The following EFCAB6 variants were observed in gnomAD, a reference collection of about 807,000 sequenced individuals.
EFCAB6 encodes EF-hand calcium binding domain 6, also known as EF-hand calcium-binding domain-containing protein 6.
EFCAB6 carries 156 observed loss-of-function variants against 169.8 expected under a neutral mutation model. The observed-to-expected ratio is 0.92, with a 90% CI of 0.81 to 1.05. The LOEUF is 1.05. Among genes scored for constraint, EFCAB6 ranks in the 50% least tolerant of loss-of-function variants. The pLI, the probability that EFCAB6 is intolerant of heterozygous loss-of-function variation, is 0.00. For missense variants in EFCAB6, 1,800 were observed against 1,829.1 expected (o/e 0.98, Z 0.29); for synonymous variants, 698 against 676.4 (o/e 1.03, Z -0.50).
At chr22:43,807,735 A>G (rs2062970504) in intron 2 of EFCAB6, among the ~76,000 whole-genome samples, 1 of 152,354 alleles carries the variant, frequency 6.6e-6, no homozygotes, top group South Asian at 2.1e-4. Context: ...GCAACACAAA[A>G]GGTTTTGGCA....
intron 2 of EFCAB6, among the ~76,000 whole-genome samples, chr22:43,782,663 T>C (rs911689930): frequency 6.6e-6 from 1 of 152,174 alleles, no homozygotes; most frequent in African/African-American, 2.4e-5. Context: ...TTTTTTGAAG[T>C]GCCTCAGTAT....
chr22:43,573,896 T>A (rs140671794), intron 26 of EFCAB6, among the ~76,000 whole-genome samples: 152 of 152,334 alleles, frequency 1.0e-3, no homozygotes, highest in Middle Eastern at 3.4e-3. Flanking sequence ...TTAAATCATA[T>A]GAAATTGTCA....
At chr22:43,622,625 A>T (rs1341640483) in intron 20 of EFCAB6, among the ~76,000 whole-genome samples, 3 of 152,150 alleles carry the variant, frequency 2.0e-5, no homozygotes, top group Admixed American at 2.0e-4. Context: ...TATTATCTGG[A>T]TCCATTTGTT....
chr22:43,591,224 G>A (rs2051518137), intron 23 of EFCAB6, among the ~76,000 whole-genome samples: 1 of 150,590 alleles, frequency 6.6e-6, no homozygotes, highest in South Asian at 2.1e-4. Context: ...TCGGGAGGCT[G>A]CGGTGGGTAG....
At chr22:43,807,865 C>T (rs5764314) in intron 2 of EFCAB6, among the ~76,000 whole-genome samples, 121,357 of 152,200 alleles carry the variant, frequency 0.8, 48,477 homozygotes, top group African/African-American at 0.86. Flanking sequence ...CTTCCATATA[C>T]ACATTGGCCA....
chr22:43,790,315 T>A (rs938336600), intron 2 of EFCAB6, among the ~76,000 whole-genome samples: 1 of 152,210 alleles, frequency 6.6e-6, no homozygotes, highest in Non-Finnish European at 1.5e-5. Context: ...CTTCCAGAAT[T>A]ATACCGAAAA....
chr22:43,619,588 C>T lies in EFCAB6; in HGVS notation c.2466-3666G>A, dbSNP rs1602657150. ...GAAAGAAGAAGGAAAAAGGAAATAA[C>T]CAAAATACAGTAACTGAAATGACGT... is the stretch of plus-strand genomic sequence containing the variant. On this transcript the variant is annotated intron_variant, in intron 20 of 31. Coordinates refer to ENST00000262726, the MANE Select transcript of EFCAB6 (RefSeq NM_022785.4). Among the ~76,000 whole-genome samples, 3 of 152,146 alleles carry T rather than the reference C, an allele frequency of 2.0e-5. No individual in the cohort carries two copies. The South Asian group carries it at 6.2e-4, about 32-fold the overall frequency.
chr22:43,575,807 C>T (rs1445813232), intron 26 of EFCAB6, among the ~76,000 whole-genome samples: 1 of 152,124 alleles, frequency 6.6e-6, no homozygotes, highest in Non-Finnish European at 1.5e-5. Context: ...GCCAAGGCCT[C>T]ATCTCTCAAC....
At chr22:43,706,384 G>A (rs2058961640) in intron 10 of EFCAB6, among the ~76,000 whole-genome samples, 2 of 152,180 alleles carry the variant, frequency 1.3e-5, no homozygotes, top group African/African-American at 4.8e-5. Flanking sequence ...GTAGTCCCCT[G>A]CTGATTCTTT....
chr22:43,774,460 C>T (rs1309954087), intron 3 of EFCAB6, among the ~76,000 whole-genome samples: 2 of 151,714 alleles, frequency 1.3e-5, no homozygotes, highest in Non-Finnish European at 2.9e-5. Flanking sequence ...CACACAGGGA[C>T]TGCGCTGCCA....
chr22:43,759,541 AAGGTTC>A (rs1183170500), intron 5 of EFCAB6: 2 of 152,190 alleles, frequency 1.3e-5, no homozygotes, highest in Non-Finnish European at 2.9e-5. Context: ...CAAATCTCAA[AAGGTTC>A]AGCCTGATCA....
chr22:43,658,556 C>T (rs746929831), intron 17 of EFCAB6, among the ~76,000 whole-genome samples: 8 of 152,154 alleles, frequency 5.3e-5, no homozygotes, highest in Non-Finnish European at 1.2e-4. Context: ...CGCAGGGGAT[C>T]GAAGCCCAGG....
intron 6 of EFCAB6, among the ~76,000 whole-genome samples, chr22:43,748,281 T>C (rs944593573): frequency 6.6e-6 from 1 of 152,242 alleles, no homozygotes; most frequent in Non-Finnish European, 1.5e-5. Context: ...GGTTAAAACC[T>C]GGCCTTCAAA....
Position 43,678,119 on chromosome 22 carries a change from T to C in EFCAB6, c.1296A>G (p.Leu432=). 1.2e-6 allele frequency: 2 copies of C among 1,613,270 alleles called. No individual in the cohort carries two copies. The highest frequency in any genetic ancestry group is 3.3e-5 in the Admixed American group (2 of 59,918). ...PITREEFRYI[L]NCMAVKLSDS... ...CGCTTAGTTTTACAGCCATGCAATTTAGAATATATCGAAATTCTTCTCTTG... is the reference window on the plus strand; with the variant it reads ...CGCTTAGTTTTACAGCCATGCAATTCAGAATATATCGAAATTCTTCTCTTG... The change falls in exon 13 of 32, where the codon CTA becomes CTG. Residue 432 remains leucine, a synonymous_variant. Coordinates refer to ENST00000262726, the MANE Select transcript of EFCAB6 (RefSeq NM_022785.4).
intron 4 of EFCAB6, among the ~76,000 whole-genome samples, chr22:43,768,593 T>C (rs956009735): frequency 2.0e-5 from 3 of 152,224 alleles, no homozygotes; most frequent in Non-Finnish European, 4.4e-5. Flanking sequence ...GCCTCCTTGA[T>C]TGACACACAT....
intron 21 of EFCAB6, among the ~76,000 whole-genome samples, chr22:43,614,405 G>A (rs1265382593): frequency 2.0e-5 from 3 of 152,088 alleles, no homozygotes. Flanking sequence ...AAATGGTGCT[G>A]GAACAACTGG....
At chr22:43,536,564 G>A (rs565158624) in intron 29 of EFCAB6, 2 of 152,190 alleles carry the variant, frequency 1.3e-5, no homozygotes, top group African/African-American at 4.8e-5. Flanking sequence ...TAACTGGGCC[G>A]GGTGTGTTGG....
chr22:43,802,822 G>T, intron 2 of EFCAB6: 1 of 435,908 alleles, frequency 2.3e-6, no homozygotes, highest in Non-Finnish European at 4.4e-6. Flanking sequence ...TGACTGTACA[G>T]TTTGAAATAC....
At chr22:43,587,748 A>G (rs1264564034) in intron 24 of EFCAB6, among the ~76,000 whole-genome samples, 7 of 152,206 alleles carry the variant, frequency 4.6e-5, no homozygotes, top group Non-Finnish European at 1.0e-4. Flanking sequence ...ATGTCCACAG[A>G]TTCCAGGAAT....
Sources: allele counts gnomAD v4.1 joint callset (sites outside exome capture counted in the v4.1 genomes callset), GRCh38; gene constraint gnomAD v4.1.1; transcripts MANE v1.5; gene names NCBI Gene and HGNC (gene_info 2026-07-23, HGNC 2026-07-21).